Variants in TRDN observed in about 807,000 individuals in gnomAD.
The protein encoded by TRDN is triadin, also known as triadin in skeletal muscle.
A neutral mutation model predicts 149.7 loss-of-function variants in TRDN; 161 were observed. The ratio of observed to expected loss-of-function variants is 1.08; its 90% CI spans 0.95 to 1.23. The LOEUF (loss-of-function observed/expected upper bound fraction) is 1.23. Among genes scored for constraint, TRDN ranks in the 50% most tolerant of loss-of-function variants. The probability of loss-of-function intolerance (pLI) is 0.00; values close to 1 mark genes in which losing one functional copy is unlikely to be tolerated. For synonymous variants in TRDN, 294 were observed against 250.5 expected (o/e 1.17, Z -1.64); for missense variants, 896 against 823.5 (o/e 1.09, Z -1.08).
chr6:123,350,032 A>C lies in TRDN; in HGVS notation c.1369+2507T>G, dbSNP rs926187065. On this transcript the variant is annotated intron_variant, in intron 21 of 40. Coordinates refer to ENST00000334268, the MANE Select transcript of TRDN (RefSeq NM_006073.4). Reference sequence around the variant, plus strand: ...TGAATTTTGAAACATTCCTTAATTTAAGGCAAAGTTGAATATTTTATTATA... The same window carrying C: ...TGAATTTTGAAACATTCCTTAATTTCAGGCAAAGTTGAATATTTTATTATA... The C allele has an allele frequency of 1.0e-5, 10 of 985,072 alleles. No individual in the cohort carries two copies. The African/African-American group carries it at 1.7e-4, about 17-fold the overall frequency. The allele number at this position is 985,072 out of a possible 1,614,324, so 61.0% of individuals were successfully genotyped here.
chr6:123,389,675 A>G (rs1187381873), intron 13 of TRDN, among the ~76,000 whole-genome samples: 1 of 152,186 alleles, frequency 6.6e-6, no homozygotes, highest in Non-Finnish European at 1.5e-5. Context: ...AATGTTATTG[A>G]CGTGCTATTA....
chr6:123,284,728 G>T (rs372180007), intron 24 of TRDN, among the ~76,000 whole-genome samples: 1 of 151,866 alleles, frequency 6.6e-6, no homozygotes, highest in African/African-American at 2.4e-5. Flanking sequence ...TCAAACTGTC[G>T]CTGTTTGCTG....
At chr6:123,596,936 C>G (rs1290177625) in intron 1 of TRDN, among the ~76,000 whole-genome samples, 1 of 151,920 alleles carries the variant, frequency 6.6e-6, no homozygotes, top group Non-Finnish European at 1.5e-5. Context: ...TTTTTGATGC[C>G]CCCTAACACA....
At chr6:123,268,414 T>G (rs1435847199) in intron 31 of TRDN, among the ~76,000 whole-genome samples, 1 of 152,040 alleles carries the variant, frequency 6.6e-6, no homozygotes, top group Non-Finnish European at 1.5e-5. Context: ...AATTAAAAAT[T>G]TTAAAGAGAT....
chr6:123,218,510 G>A lies in TRDN; in HGVS notation c.*91C>T. 1.4e-6 allele frequency: 2 copies of A among 1,436,302 alleles called. No homozygotes were observed. Among genetic ancestry groups the A allele is most frequent in the Non-Finnish European group, 1.9e-6 (2 of 1,068,618 alleles). 89.0% of individuals were successfully genotyped at this position (1,436,302 alleles called of 1,614,324 possible). ...CAAAATGTTTTCACAGAAATTCTCTGGGTTGCATATTCTTAATTGCCTGAA... is the reference window on the plus strand; with the variant it reads ...CAAAATGTTTTCACAGAAATTCTCTAGGTTGCATATTCTTAATTGCCTGAA... On this transcript the variant is annotated 3_prime_UTR_variant, in exon 41 of 41. Coordinates refer to ENST00000334268, the MANE Select transcript of TRDN (RefSeq NM_006073.4).
intron 38 of TRDN, among the ~76,000 whole-genome samples, chr6:123,228,707 G>A (rs1775480426): frequency 6.6e-6 from 1 of 151,828 alleles, no homozygotes; most frequent in Non-Finnish European, 1.5e-5. Flanking sequence ...ACTGCCTCTG[G>A]AGGATGAACT....
At chr6:123,434,749 CA>C (rs1562311173) in intron 12 of TRDN, among the ~76,000 whole-genome samples, 1 of 151,814 alleles carries the variant, frequency 6.6e-6, no homozygotes, top group Admixed American at 6.6e-5. Context: ...TATAACATTG[CA>C]AAAATACCAA....
chr6:123,516,231 T>A, intron 5 of TRDN, 25 bp from the exon 6 acceptor site: 1 of 1,456,026 alleles, frequency 6.9e-7, no homozygotes, highest in Non-Finnish European at 9.1e-7. Flanking sequence ...ATAAATAGTT[T>A]TCATTTAAAT....
intron 16 of TRDN, among the ~76,000 whole-genome samples, chr6:123,380,215 G>C (rs906005620): frequency 6.6e-6 from 1 of 152,168 alleles, no homozygotes; most frequent in Admixed American, 6.6e-5. Flanking sequence ...GCGTGAAAAG[G>C]CATGTTTATT....
chr6:123,316,067 A>G (rs1428300675), intron 24 of TRDN, among the ~76,000 whole-genome samples: 1 of 151,894 alleles, frequency 6.6e-6, no homozygotes, highest in Non-Finnish European at 1.5e-5. Context: ...CAGGTTCATA[A>G]AACTCAATCC....
chr6:123,306,320 A>G (rs1352166278), intron 24 of TRDN, among the ~76,000 whole-genome samples: 5 of 152,152 alleles, frequency 3.3e-5, no homozygotes, highest in African/African-American at 1.2e-4. Flanking sequence ...AGAGACAACT[A>G]GGACAGGTTC....
At chr6:123,483,634 A>T (rs1777861226) in intron 9 of TRDN, among the ~76,000 whole-genome samples, 1 of 152,132 alleles carries the variant, frequency 6.6e-6, no homozygotes, top group South Asian at 2.1e-4. Flanking sequence ...AATCTGCATC[A>T]TATGATTTAG....
intron 9 of TRDN, among the ~76,000 whole-genome samples, chr6:123,476,573 T>G (rs910370943): frequency 4.1e-5 from 6 of 146,636 alleles, no homozygotes; most frequent in Admixed American, 1.4e-4. Context: ...AAAGTTCATA[T>G]GGAACCAAAA....
intron 21 of TRDN, 152 bp downstream of exon 21, chr6:123,352,387 T>A: frequency 7.3e-7 from 1 of 1,375,308 alleles, no homozygotes; most frequent in Middle Eastern, 1.9e-4. Context: ...CTGTCTCACA[T>A]TCTCCCTGGC....
chr6:123,276,881 A>G (rs1010583604), intron 26 of TRDN, among the ~76,000 whole-genome samples: 20 of 152,150 alleles, frequency 1.3e-4, no homozygotes, highest in African/African-American at 4.3e-4. Context: ...GCCTGGGTTA[A>G]TGGGACCTCC....
At chr6:123,241,981 C>G (rs77746455) in intron 38 of TRDN, among the ~76,000 whole-genome samples, 1 of 152,058 alleles carries the variant, frequency 6.6e-6, no homozygotes, top group Non-Finnish European at 1.5e-5. Flanking sequence ...TCTAACAAAC[C>G]TAACTTTATA....
intron 34 of TRDN, 148 bp downstream of exon 34, chr6:123,260,464 T>C: frequency 1.3e-6 from 1 of 743,766 alleles, no homozygotes; most frequent in Non-Finnish European, 2.0e-6. Context: ...ACAAGCCTTT[T>C]GGGAAGTCAT....
chr6:123,424,173 G>A (rs557656736), intron 12 of TRDN, among the ~76,000 whole-genome samples: 24 of 152,156 alleles, frequency 1.6e-4, no homozygotes, highest in African/African-American at 5.3e-4. Context: ...GGCCACATTC[G>A]AAGGCACATA....
Position 123,226,152 on chromosome 6 carries a change from T to C in TRDN, c.1976-2021A>G, listed in dbSNP as rs151260764. 3.2e-3 allele frequency among the ~76,000 whole-genome samples: 488 copies of C among 151,906 alleles called. 2 individuals carry two copies. Among genetic ancestry groups the C allele is most frequent in the African/African-American group, 0.011 (453 of 41,512 alleles). ...GTCAGTTGTAAATAATATTTAAACATAGGTTTAACTCAATTAAATACTGGA... is the reference window on the plus strand; with the variant it reads ...GTCAGTTGTAAATAATATTTAAACACAGGTTTAACTCAATTAAATACTGGA... On this transcript the variant is annotated intron_variant, in intron 38 of 40. Transcript: ENST00000334268.
Sources: gnomAD v4.1 joint callset for allele counts (sites outside exome capture counted in the v4.1 genomes callset) on GRCh38, gnomAD v4.1.1 for gene constraint, MANE v1.5 for transcripts, NCBI Gene and HGNC (gene_info 2026-07-23, HGNC 2026-07-21) for gene names.